Variants in OTULIN observed in about 807,000 individuals in gnomAD.
OTULIN encodes OTU deubiquitinase with linear linkage specificity.
OTULIN carries 15 observed loss-of-function variants against 39.6 expected under a neutral mutation model. The ratio of observed to expected loss-of-function variants is 0.38; its 90% confidence interval spans 0.25 to 0.58. The LOEUF (loss-of-function observed/expected upper bound fraction) is 0.58. Among genes scored for constraint, OTULIN ranks in the 20% least tolerant of loss-of-function variants. OTULIN has a pLI of 0.66. For missense variants in OTULIN, 319 were observed against 445.9 expected, an observed-to-expected ratio of 0.72 and a Z score of 2.56; for synonymous variants, 156 against 170.3, an observed-to-expected ratio of 0.92 and a Z score of 0.65.
At chr5:14,669,370 A>G (rs1488436687) in intron 1 of OTULIN, among the ~76,000 whole-genome samples, 1 of 110,346 alleles carries the variant, frequency 9.1e-6, no homozygotes, top group African/African-American at 5.8e-5. Flanking sequence ...CGTCTCAAAA[A>G]AAGAAAATAG....
Position 14,664,727 on chromosome 5 carries a change from C to T in OTULIN, c.-99C>T. The T allele has an allele frequency of 9.3e-7, 1 of 1,070,698 alleles. No homozygotes were observed. The highest frequency in any genetic ancestry group is 1.7e-5 in the African/African-American group (1 of 59,312). 66.3% of individuals were successfully genotyped at this position (1,070,698 alleles called of 1,614,324 possible). A position where few individuals can be genotyped will look rare whatever the true frequency, so the allele number is the denominator to read the frequency against. On this transcript the variant is annotated 5_prime_UTR_variant, in exon 1 of 7. Transcript: ENST00000284274. ...CGCTCTGCGGGCCCTCGGAAACCGC[C>T]CCGGCGGCTGAGAGGCTGCGGCCAC...
chr5:14,688,353 T>G (rs962298380), intron 5 of OTULIN, among the ~76,000 whole-genome samples: 1 of 152,008 alleles, frequency 6.6e-6, no homozygotes, highest in Non-Finnish European at 1.5e-5. Context: ...GGTGGTCAAG[T>G]AGAGAGGGGT....
At position 14,690,437 on chromosome 5, in the gene OTULIN, A is replaced by C. The variant is rs1342276345; in HGVS notation, c.864+129A>C. ...TTGGATGGTTCTGGCTCAGGATGTC[A>C]TGAGGCTGCAGTTGTATGTTCAGGG... On this transcript the variant is annotated intron_variant, in intron 6 of 6. Transcript: ENST00000284274. The surrounding 1 kb of genome is among the most constrained non-coding windows in gnomAD (Gnocchi z 4.5). 8.1e-6 allele frequency: 9 copies of C among 1,105,490 alleles called. No individual in the cohort carries two copies. The highest frequency in any genetic ancestry group is 1.2e-5 in the Non-Finnish European group (9 of 780,794). The allele number at this position is 1,105,490 out of a possible 1,614,324, so 68.5% of individuals were successfully genotyped here. A position where few individuals can be genotyped will look rare whatever the true frequency, so the allele number is the denominator to read the frequency against.
rs376433569 is a variant in OTULIN at position 14,690,929 on chromosome 5, C to T, written c.864+621C>T. ...TGGGAGGCTACAAATAAGTGAAGTA[C>T]TTGGAAGAGCCATTCGAAGGGTCTT... On this transcript the variant is annotated intron_variant, in intron 6 of 6. Transcript: ENST00000284274. This position sits in a 1 kb window ranked among gnomAD's most constrained non-coding sequence, Gnocchi z 4.5. 8.5e-5 allele frequency among the ~76,000 whole-genome samples: 13 copies of T among 152,262 alleles called. No homozygotes were observed. The highest frequency in any genetic ancestry group is 3.1e-4 in the African/African-American group (13 of 41,554).
intron 3 of OTULIN, 88 bp from the exon 4 acceptor site, chr5:14,681,376 A>G (rs1283880221): frequency 6.0e-6 from 9 of 1,489,844 alleles, no homozygotes; most frequent in Admixed American, 2.2e-5. Flanking sequence ...CAGTGATCCC[A>G]GGCCAAGCTT....
At position 14,690,309 on chromosome 5, in the gene OTULIN, G is replaced by A. The variant is rs1477015862; in HGVS notation, c.864+1G>A. The A allele has an allele frequency of 6.2e-7, 1 of 1,612,178 alleles. No individual in the cohort carries two copies. The highest frequency in any genetic ancestry group is 8.5e-7 in the Non-Finnish European group (1 of 1,179,008). On this transcript the variant is annotated splice_donor_variant, in intron 6 of 6. Coordinates refer to ENST00000284274, the MANE Select transcript of OTULIN (RefSeq NM_138348.6). LOFTEE classifies it high-confidence loss of function. This position sits in a 1 kb window ranked among gnomAD's most constrained non-coding sequence, Gnocchi z 4.5. ...GGGACACACTGGTGGTCTTGAACAGGTAAGTTGTGCTTTTGAGCATGTATT... is the reference window on the plus strand; with the variant it reads ...GGGACACACTGGTGGTCTTGAACAGATAAGTTGTGCTTTTGAGCATGTATT...
At chr5:14,674,703 C>T (rs190114409) in intron 2 of OTULIN, among the ~76,000 whole-genome samples, 7 of 151,898 alleles carry the variant, frequency 4.6e-5, no homozygotes, top group Middle Eastern at 3.4e-3. Flanking sequence ...TGTAGTGAGC[C>T]GTGATTGCAT....
At chr5:14,702,026 T>C (rs1736805179), downstream of OTULIN, among the ~76,000 whole-genome samples, 1 of 152,254 alleles carries the variant, frequency 6.6e-6, no homozygotes. Flanking sequence ...AGGGAGATGG[T>C]TCTGGAGGGA....
At chr5:14,671,316 A>G (rs896756716) in intron 1 of OTULIN, among the ~76,000 whole-genome samples, 1 of 152,210 alleles carries the variant, frequency 6.6e-6, no homozygotes, top group Non-Finnish European at 1.5e-5. Flanking sequence ...GACTTAGACT[A>G]AAGAACTGGA....
chr5:14,683,980 G>A (rs896858024), intron 4 of OTULIN, among the ~76,000 whole-genome samples: 13 of 152,176 alleles, frequency 8.5e-5, no homozygotes, highest in African/African-American at 3.1e-4. Flanking sequence ...TATGTTGCAT[G>A]TGTGAGTGAT....
chr5:14,707,445 C>T, the OTULIN span: 15 of 152,192 alleles, frequency 9.9e-5, no homozygotes, highest in Non-Finnish European at 2.1e-4. Flanking sequence ...GTTAACATTT[C>T]ACACTTCTTA....
the OTULIN span, chr5:14,710,474 C>T: frequency 2.0e-5 from 3 of 153,312 alleles, no homozygotes; most frequent in African/African-American, 7.2e-5. Context: ...TTGCTCAGAT[C>T]TAGGAGAACG....
downstream of OTULIN, among the ~76,000 whole-genome samples, chr5:14,704,028 G>A (rs1736867159): frequency 6.6e-6 from 1 of 152,112 alleles, no homozygotes. Context: ...AAAACATGAT[G>A]CTTTAAGAAA....
intron 4 of OTULIN, among the ~76,000 whole-genome samples, chr5:14,687,228 A>G (rs1736408321): frequency 6.6e-6 from 1 of 152,156 alleles, no homozygotes; most frequent in Non-Finnish European, 1.5e-5. Context: ...TGCTGTGGGC[A>G]TGGCCTGCTG....
intron 3 of OTULIN, among the ~76,000 whole-genome samples, chr5:14,680,353 A>C (rs1579968165): frequency 6.6e-6 from 1 of 152,192 alleles, no homozygotes; most frequent in African/African-American, 2.4e-5. Flanking sequence ...TTGAACCTTG[A>C]AAACAGCTAG....
chr5:14,665,802 G>C (rs549554098), intron 1 of OTULIN, among the ~76,000 whole-genome samples: 33 of 152,200 alleles, frequency 2.2e-4, no homozygotes, highest in African/African-American at 7.9e-4. Context: ...CCTAAAAAGG[G>C]GTCCTTTGGA....
rs181500060 is a variant in OTULIN at position 14,685,991 on chromosome 5, G to A, written c.469-1530G>A. Among the ~76,000 whole-genome samples the A allele has an allele frequency of 7.2e-5, 11 of 152,298 alleles. No homozygotes were observed. The East Asian group carries it at 2.1e-3, about 29-fold the overall frequency. On this transcript the variant is annotated intron_variant, in intron 4 of 6. Coordinates refer to ENST00000284274, the MANE Select transcript of OTULIN (RefSeq NM_138348.6). ...ACGGAGTGGGCTGGTGCAGCCTTTA[G>A]GTGGGTGGTCATTTGTTATTCTAAT...
At chr5:14,667,855 A>G (rs186969823) in intron 1 of OTULIN, among the ~76,000 whole-genome samples, 1 of 152,288 alleles carries the variant, frequency 6.6e-6, no homozygotes, top group African/African-American at 2.4e-5. Context: ...GTCAGACCAG[A>G]TTAGTTTACC....
chr5:14,713,242 G>GACC, the OTULIN span, among the ~76,000 whole-genome samples: 1 of 152,100 alleles, frequency 6.6e-6, no homozygotes, highest in African/African-American at 2.4e-5. The surrounding 1 kb of genome is among the most constrained non-coding windows in gnomAD (Gnocchi z 4.4). Context: ...TGAGCGCAGG[G>GACC]ACCATGTCCT....
Sources: gnomAD v4.1 joint callset for allele counts (sites outside exome capture counted in the v4.1 genomes callset) on GRCh38, gnomAD v4.1.1 for gene constraint, Gnocchi (gnomAD v3.1) non-coding constraint, MANE v1.5 for transcripts, NCBI Gene and HGNC (gene_info 2026-07-23, HGNC 2026-07-21) for gene names.